Variants in PRNP observed in about 807,000 individuals in gnomAD.
PRNP encodes the protein prion protein (Kanno blood group), also known as major prion protein.
A neutral mutation model predicts 21.3 loss-of-function variants in PRNP; 15 were observed. The observed-to-expected ratio is 0.71, with a 90% CI of 0.47 to 1.09. The LOEUF (loss-of-function observed/expected upper bound fraction) is 1.09. PRNP is among the 50% of genes least tolerant of loss of function. The pLI, the probability that PRNP is intolerant of heterozygous loss-of-function variation, is 0.00. For synonymous variants in PRNP, 121 were observed against 123.1 expected, an observed-to-expected ratio of 0.98 and a Z score of 0.11; for missense variants, 285 against 340.9, an observed-to-expected ratio of 0.84 and a Z score of 1.29.
Position 4,699,636 on chromosome 20 carries a change from T to C in PRNP, c.416T>C (p.Ile139Thr). The change falls in exon 2 of 2, where the codon ATA (isoleucine) becomes ACA (threonine). Residue 139 changes from isoleucine (I) to threonine (T), a missense_variant. Physicochemically the swap from Ile to Thr is moderately conservative, Grantham distance 89 (BLOSUM62 -1). Coordinates refer to ENST00000379440, the MANE Select transcript of PRNP (RefSeq NM_000311.5). This position sits in a 1 kb window ranked among gnomAD's most constrained non-coding sequence, Gnocchi z 5.8. ...GGAAGTGCCATGAGCAGGCCCATCA[T>C]ACATTTCGGCAGTGACTATGAGGAC... ...MLGSAMSRPIIHFGSDYEDRY... is the reference protein window; with the variant it reads ...MLGSAMSRPITHFGSDYEDRY... 6.2e-7 allele frequency: 1 copy of C among 1,614,094 alleles called. No homozygotes were observed. Among genetic ancestry groups the C allele is most frequent in the Non-Finnish European group, 8.5e-7 (1 of 1,180,006 alleles).
In PRNP at chr20:4,691,097, A is replaced by T. The variant is rs980541436; in HGVS notation, c.-11+4585A>T. On this transcript the variant is annotated intron_variant, in intron 1 of 1. Transcript: ENST00000379440. Reference sequence around the variant, plus strand: ...AAAATAAATATTTCAGAATAAATTTAGCCAAGAAGGTGAAAGATCTCTACA... The same window carrying T: ...AAAATAAATATTTCAGAATAAATTTTGCCAAGAAGGTGAAAGATCTCTACA... 1.5e-4 allele frequency among the ~76,000 whole-genome samples: 23 copies of T among 152,234 alleles called. 1 individual carries two copies.
In PRNP at chr20:4,686,895, C is replaced by A. The variant is rs1055800730; in HGVS notation, c.-11+383C>A. ...GGCGCCCAGGGAACTCCGGGAGGGC[C>A]GCCAGCGGGCTCCGCAGGGCGCGGG... On this transcript the variant is annotated intron_variant, in intron 1 of 1. Transcript: ENST00000379440. This position sits in a 1 kb window ranked among gnomAD's most constrained non-coding sequence, Gnocchi z 6.7. 6.6e-6 allele frequency among the ~76,000 whole-genome samples: 1 copy of A among 151,416 alleles called. No homozygotes were observed. The highest frequency in any genetic ancestry group is 1.5e-5 in the Non-Finnish European group (1 of 67,820).
chr20:4,688,745 G>A (rs556796950), intron 1 of PRNP, among the ~76,000 whole-genome samples: 24 of 152,318 alleles, frequency 1.6e-4, no homozygotes, highest in South Asian at 8.3e-4. Flanking sequence ...AAGTAAAAAA[G>A]TGGGTTATTA....
At chr20:4,688,481 T>G (rs1031401905) in intron 1 of PRNP, among the ~76,000 whole-genome samples, 1 of 152,190 alleles carries the variant, frequency 6.6e-6, no homozygotes, top group Admixed American at 6.5e-5. Flanking sequence ...AATCTGGTGA[T>G]GCATTAAGAA....
chr20:4,699,438 G>A lies in PRNP; in HGVS notation c.218G>A (p.Trp73Ter). 1.2e-6 allele frequency: 2 copies of A among 1,611,974 alleles called. No individual in the cohort carries two copies. Among genetic ancestry groups the A allele is most frequent in the Non-Finnish European group, 1.7e-6 (2 of 1,179,062 alleles). The stretch of plus-strand genomic sequence containing the variant: ...TGGGGGCAGCCTCATGGTGGTGGCT[G>A]GGGGCAGCCCCATGGTGGTGGCTGG... ...GGWGQPHGGG[W>*]GQPHGGGWGQ... The change falls in exon 2 of 2, where the codon TGG (tryptophan) becomes TAG (stop). Residue 73 changes from tryptophan (W) to a stop codon, truncating the protein, a stop_gained. Transcript: ENST00000379440. LOFTEE classifies it high-confidence loss of function. This position sits in a 1 kb window ranked among gnomAD's most constrained non-coding sequence, Gnocchi z 5.8.
At position 4,699,096 on chromosome 20, in the gene PRNP, CAG is replaced by C. The variant is rs774588701; in HGVS notation, c.-10-114_-10-113del. On this transcript the variant is annotated intron_variant, in intron 1 of 1. Transcript: ENST00000379440. The surrounding 1 kb of genome is among the most constrained non-coding windows in gnomAD (Gnocchi z 5.8). ...GCTTCAGAGAAGTACAGGGTGGCAA[CAG>C]TGTTTCTACTGAGCAGCTGATACCA... 1.6e-6 allele frequency: 2 copies of C among 1,279,880 alleles called. No individual in the cohort carries two copies. Among genetic ancestry groups the C allele is most frequent in the Non-Finnish European group, 2.3e-6 (2 of 888,864 alleles). The allele number at this position is 1,279,880 out of a possible 1,614,324, so 79.3% of individuals were successfully genotyped here.
At chr20:4,692,212 G>A (rs1472051168) in intron 1 of PRNP, among the ~76,000 whole-genome samples, 1 of 152,090 alleles carries the variant, frequency 6.6e-6, no homozygotes, top group African/African-American at 2.4e-5. Context: ...TTATGTCTCA[G>A]TAAAATTTTG....
At position 4,699,022 on chromosome 20, in the gene PRNP, G is replaced by A. The variant is rs1325455000; in HGVS notation, c.-10-189G>A. Among the ~76,000 whole-genome samples, 2 of 152,158 alleles carry A rather than the reference G, an allele frequency of 1.3e-5. No individual in the cohort carries two copies. The highest frequency in any genetic ancestry group is 4.8e-5 in the African/African-American group (2 of 41,422). ...AGGGTCACATTTGTCCTTGGAGCAG[G>A]AGAAAGAGTTGTGTTCACCCTTTTC... On this transcript the variant is annotated intron_variant, in intron 1 of 1. Transcript: ENST00000379440. This position sits in a 1 kb window ranked among gnomAD's most constrained non-coding sequence, Gnocchi z 5.8.
chr20:4,687,478 G>C (rs1921546405), intron 1 of PRNP, among the ~76,000 whole-genome samples: 1 of 152,246 alleles, frequency 6.6e-6, no homozygotes, highest in Non-Finnish European at 1.5e-5. Flanking sequence ...CTCCCCACCT[G>C]TGCGGCAGGC....
chr20:4,694,006 T>C (rs1601015302), intron 1 of PRNP, among the ~76,000 whole-genome samples: 1 of 151,054 alleles, frequency 6.6e-6, no homozygotes, highest in African/African-American at 2.4e-5. Flanking sequence ...GGAGGATCAC[T>C]TGAGCCCACT....
chr20:4,700,034 A>G lies in PRNP; in HGVS notation c.*52A>G. On this transcript the variant is annotated 3_prime_UTR_variant, in exon 2 of 2. Coordinates refer to ENST00000379440, the MANE Select transcript of PRNP (RefSeq NM_000311.5). This position sits in a 1 kb window ranked among gnomAD's most constrained non-coding sequence, Gnocchi z 4.1. ...TTCTAATCTTTTTCCAGCTTGAGGG[A>G]GGCGGTATCCACCTGCAGCCCTTTT... 1 of 1,557,872 alleles carries G rather than the reference A, an allele frequency of 6.4e-7. No homozygotes were observed. The highest frequency in any genetic ancestry group is 8.7e-7 in the Non-Finnish European group (1 of 1,150,442).
rs934346989 is a variant in PRNP, at chr20:4,700,112, T to C, written c.*130T>C. ...TCTTTGTCCCGGATAGGCTAATCAA[T>C]ACCCTTGGCACTGATGGGCACTGGA... On this transcript the variant is annotated 3_prime_UTR_variant, in exon 2 of 2. Transcript: ENST00000379440. The surrounding 1 kb of genome is among the most constrained non-coding windows in gnomAD (Gnocchi z 4.1). 1 of 1,549,278 alleles carries C rather than the reference T, an allele frequency of 6.5e-7. No individual in the cohort carries two copies. The highest frequency in any genetic ancestry group is 8.7e-7 in the Non-Finnish European group (1 of 1,146,506).
chr20:4,694,736 ACTT>A (rs1568531618), intron 1 of PRNP, among the ~76,000 whole-genome samples: 1 of 151,994 alleles, frequency 6.6e-6, no homozygotes, highest in South Asian at 2.1e-4. Context: ...ACTTTATTTT[ACTT>A]CTTCTATTCA....
intron 1 of PRNP, among the ~76,000 whole-genome samples, chr20:4,691,870 C>G (rs1026782522): frequency 1.3e-5 from 2 of 152,168 alleles, no homozygotes; most frequent in African/African-American, 2.4e-5. Flanking sequence ...GTTTTATGGC[C>G]TAACATATGA....
intron 1 of PRNP, among the ~76,000 whole-genome samples, chr20:4,689,722 C>A (rs1173293084): frequency 1.3e-5 from 2 of 152,202 alleles, no homozygotes; most frequent in African/African-American, 4.8e-5. Flanking sequence ...ATGGCTACAG[C>A]ATTATAAAAT....
intron 1 of PRNP, among the ~76,000 whole-genome samples, chr20:4,698,677 G>A (rs1047387336): frequency 6.6e-6 from 1 of 152,192 alleles, no homozygotes; most frequent in African/African-American, 2.4e-5. Context: ...CAGTGTTCCA[G>A]TATATGCCAT....
At chr20:4,695,065 C>T (rs1344681155) in intron 1 of PRNP, among the ~76,000 whole-genome samples, 2 of 152,120 alleles carry the variant, frequency 1.3e-5, no homozygotes, top group African/African-American at 2.4e-5. Context: ...GTCCCCTTTA[C>T]CATTGTGTAC....
chr20:4,689,161 T>G (rs1921666636), intron 1 of PRNP, among the ~76,000 whole-genome samples: 1 of 152,228 alleles, frequency 6.6e-6, no homozygotes. Context: ...TTTTCAAAAC[T>G]GAACAATTTC....
intron 1 of PRNP, among the ~76,000 whole-genome samples, chr20:4,691,629 A>G (rs2093391): frequency 0.26 from 39,283 of 152,108 alleles, 5,601 homozygotes; most frequent in Admixed American, 0.36. Context: ...ATCATAGTAA[A>G]TGATCTTTTT....
Sources: gnomAD v4.1 joint callset for allele counts (sites outside exome capture counted in the v4.1 genomes callset) on GRCh38, gnomAD v4.1.1 for gene constraint, Gnocchi (gnomAD v3.1) non-coding constraint, MANE v1.5 for transcripts, NCBI Gene and HGNC (gene_info 2026-07-23, HGNC 2026-07-21) for gene names.